ZNRF3: variants seen among roughly 807,000 people sequenced by gnomAD.
The protein encoded by ZNRF3 is zinc and ring finger 3.
ZNRF3 carries 23 observed loss-of-function variants against 72.5 expected under a neutral mutation model. The ratio of observed to expected loss-of-function variants is 0.32; its 90% CI spans 0.23 to 0.45. ZNRF3 has a LOEUF of 0.45. ZNRF3 is among the 20% of genes least tolerant of loss of function. The probability of loss-of-function intolerance (pLI) is 1.00; values close to 1 mark genes in which losing one functional copy is unlikely to be tolerated. For synonymous variants in ZNRF3, 610 were observed against 545.3 expected (o/e 1.12, Z -1.65); for missense variants, 1,169 against 1,272.1 (o/e 0.92, Z 1.23).
intron 1 of ZNRF3, 142 bp from the exon 2 acceptor site, chr22:28,986,934 C>A: frequency 8.9e-7 from 1 of 1,125,152 alleles, no homozygotes; most frequent in African/African-American, 1.6e-5. Context: ...ATAAAATTCC[C>A]CTTGGGTTGA....
intron 2 of ZNRF3, among the ~76,000 whole-genome samples, chr22:29,011,376 C>T (rs920027242): frequency 2.6e-5 from 4 of 152,206 alleles, no homozygotes; most frequent in Non-Finnish European, 5.9e-5. Flanking sequence ...TGGCCAGCTG[C>T]CACCAGCCCT....
Position 29,050,947 on chromosome 22 carries a change from A to C in ZNRF3, c.2766A>C (p.Ala922=). 4 of 1,508,674 alleles carry C rather than the reference A, an allele frequency of 2.7e-6. No homozygotes were observed. Among genetic ancestry groups the C allele is most frequent in the Non-Finnish European group, 3.5e-6 (4 of 1,136,516 alleles). 93.5% of individuals were successfully genotyped at this position (1,508,674 alleles called of 1,614,324 possible). A position where few individuals can be genotyped will look rare whatever the true frequency, so the allele number is the denominator to read the frequency against. ...QESSTTATEA[A]GPRSHSADSS... is the part of the protein sequence containing the mutation. The stretch of plus-strand genomic sequence containing the variant: ...CCAGCACCACTGCCACTGAGGCTGC[A>C]GGTGAGAGCAGGAAATGGCAGTAGG... Residue 922 remains alanine (A), a splice_region_variant and synonymous_variant, in exon 8 of 9, where the codon GCA becomes GCC. Transcript: ENST00000544604.
At chr22:28,999,961 C>T (rs906545905) in intron 2 of ZNRF3, among the ~76,000 whole-genome samples, 1 of 152,208 alleles carries the variant, frequency 6.6e-6, no homozygotes, top group Non-Finnish European at 1.5e-5. Flanking sequence ...TACTTTTCTT[C>T]TGTCCTTTGT....
In ZNRF3 at chr22:29,048,150, C is replaced by T. The variant is rs752127362; in HGVS notation, c.913-239C>T. Among the ~76,000 whole-genome samples the T allele has an allele frequency of 9.2e-5, 14 of 152,176 alleles. No homozygotes were observed. The highest frequency in any genetic ancestry group is 1.9e-4 in the Non-Finnish European group (13 of 68,026). On this transcript the variant is annotated intron_variant, in intron 6 of 8. Coordinates refer to ENST00000544604, the MANE Select transcript of ZNRF3 (RefSeq NM_001206998.2). The surrounding 1 kb of genome is among the most constrained non-coding windows in gnomAD (Gnocchi z 4.9). ...TACGGGAAAGACGCCTGCCTCTGTG[C>T]GTGCCCACTCCCTTAACACTGAGGA...
Position 29,030,120 on chromosome 22 carries a change from G to C in ZNRF3, c.427-12375G>C, listed in dbSNP as rs1295589438. Among the ~76,000 whole-genome samples, 1 of 152,152 alleles carries C rather than the reference G, an allele frequency of 6.6e-6. No homozygotes were observed. Among genetic ancestry groups the C allele is most frequent in the African/African-American group, 2.4e-5 (1 of 41,428 alleles). On this transcript the variant is annotated intron_variant, in intron 2 of 8. Transcript: ENST00000544604. The surrounding 1 kb of genome is among the most constrained non-coding windows in gnomAD (Gnocchi z 4.2). The stretch of plus-strand genomic sequence containing the variant: ...ATAACATCTTTCACCCCACAGTATC[G>C]ATGGAGCAGGAGGGTGTGGACAGGC...
intron 1 of ZNRF3, among the ~76,000 whole-genome samples, chr22:28,961,414 T>A (rs1048754537): frequency 7.2e-5 from 11 of 152,154 alleles, no homozygotes; most frequent in African/African-American, 2.7e-4. Flanking sequence ...GCTTAAAGTG[T>A]CAAAATATGG....
chr22:29,027,293 G>A (rs1024520202), intron 2 of ZNRF3, among the ~76,000 whole-genome samples: 8 of 151,952 alleles, frequency 5.3e-5, no homozygotes, highest in African/African-American at 1.2e-4. Context: ...TTGTCCCCCA[G>A]GCTGGAGTGC....
intron 1 of ZNRF3, among the ~76,000 whole-genome samples, chr22:28,932,537 T>G (rs2034725510): frequency 6.6e-6 from 1 of 152,276 alleles, no homozygotes; most frequent in Admixed American, 6.5e-5. Context: ...ATTGGGTCTT[T>G]GTGCGCATGT....
chr22:29,039,588 AC>A (rs67640517), intron 2 of ZNRF3, among the ~76,000 whole-genome samples: 10,840 of 151,982 alleles, frequency 0.071, 1,116 homozygotes, highest in African/African-American at 0.22. Context: ...GCATCTACTT[AC>A]AATTATATTA....
At chr22:29,027,438 G>A (rs1016149008) in intron 2 of ZNRF3, among the ~76,000 whole-genome samples, 4 of 151,918 alleles carry the variant, frequency 2.6e-5, no homozygotes, top group African/African-American at 7.3e-5. Flanking sequence ...TAGTAGAGAC[G>A]GGGTTTCACC....
chr22:29,042,012 G>T lies in ZNRF3; in HGVS notation c.427-483G>T, dbSNP rs117551707. Among the ~76,000 whole-genome samples the T allele has an allele frequency of 3.9e-5, 6 of 152,180 alleles. No homozygotes were observed. The East Asian group carries it at 1.2e-3, about 29-fold the overall frequency. On this transcript the variant is annotated intron_variant, in intron 2 of 8. Coordinates refer to ENST00000544604, the MANE Select transcript of ZNRF3 (RefSeq NM_001206998.2). ...TAGGTTGTTTTCAGTATTTGGGCTGGATAGGAAGACAAAAGTTTGTTAAGT... is the reference window on the plus strand; with the variant it reads ...TAGGTTGTTTTCAGTATTTGGGCTGTATAGGAAGACAAAAGTTTGTTAAGT...
chr22:29,049,585 G>A lies in ZNRF3; in HGVS notation c.1404G>A (p.Met468Ile). The A allele has an allele frequency of 1.2e-6, 2 of 1,607,858 alleles. No individual in the cohort carries two copies. Among genetic ancestry groups the A allele is most frequent in the Admixed American group, 1.7e-5 (1 of 59,834 alleles). ...CTTGCTTCTCCCAGTATGAGACCATGTACCAGCACTACTACTTCCAGGGCC... is the reference window on the plus strand; with the variant it reads ...CTTGCTTCTCCCAGTATGAGACCATATACCAGCACTACTACTTCCAGGGCC... ...KAACFSQYET[M>I]YQHYYFQGLS... is the part of the protein sequence containing the mutation. The change falls in exon 8 of 9, where the codon ATG becomes ATA. Residue 468 changes from methionine to isoleucine, a missense_variant. This residue lies in a region of ZNRF3 where 783 missense variants were observed against 731.4 expected (regional missense o/e 1.07). Transcript: ENST00000544604. The surrounding 1 kb of genome is among the most constrained non-coding windows in gnomAD (Gnocchi z 5.2).
chr22:28,891,739 A>G (rs1162838477), intron 1 of ZNRF3, among the ~76,000 whole-genome samples: 2 of 152,244 alleles, frequency 1.3e-5, no homozygotes, highest in South Asian at 4.1e-4. Context: ...TTTAAACCCA[A>G]AACGATTGAC....
chr22:29,049,163 C>A lies in ZNRF3; in HGVS notation c.1016-34C>A. On this transcript the variant is annotated intron_variant, in intron 7 of 8. Transcript: ENST00000544604. The surrounding 1 kb of genome is among the most constrained non-coding windows in gnomAD (Gnocchi z 5.2). ...TAGCCTCTGACACCAGTATGCTCAG[C>A]CCTGCCTACTCTGTTTCCTCCACTT... The A allele has an allele frequency of 1.3e-6, 2 of 1,559,334 alleles. No individual in the cohort carries two copies. Among genetic ancestry groups the A allele is most frequent in the Non-Finnish European group, 1.7e-6 (2 of 1,150,458 alleles).
At chr22:28,885,046 A>G (rs1175399002) in intron 1 of ZNRF3, among the ~76,000 whole-genome samples, 4 of 152,102 alleles carry the variant, frequency 2.6e-5, no homozygotes, top group African/African-American at 9.7e-5. Context: ...CTTGTCTTTG[A>G]ATCTTTGGGG....
chr22:28,993,757 A>G (rs978448966), intron 2 of ZNRF3, among the ~76,000 whole-genome samples: 5 of 152,190 alleles, frequency 3.3e-5, no homozygotes, highest in African/African-American at 1.2e-4. Context: ...ATCATGGCTC[A>G]CTTCAGCCTC....
intron 2 of ZNRF3, among the ~76,000 whole-genome samples, chr22:29,024,578 C>T (rs1224152453): frequency 6.6e-6 from 1 of 152,080 alleles, no homozygotes; most frequent in Non-Finnish European, 1.5e-5. Context: ...ACTTACCTCT[C>T]ACTGTGCATG....
At chr22:28,973,078 G>A (rs980297241) in intron 1 of ZNRF3, among the ~76,000 whole-genome samples, 1 of 152,148 alleles carries the variant, frequency 6.6e-6, no homozygotes, top group Admixed American at 6.5e-5. Flanking sequence ...AAACTTGTGG[G>A]CTCAATCTTC....
chr22:28,922,407 T>C (rs1267653503), intron 1 of ZNRF3, among the ~76,000 whole-genome samples: 1 of 152,248 alleles, frequency 6.6e-6, no homozygotes, highest in Non-Finnish European at 1.5e-5. Flanking sequence ...TTTAGCACCC[T>C]AGATGCCTGT....
Sources: allele counts gnomAD v4.1 joint callset (sites outside exome capture counted in the v4.1 genomes callset), GRCh38; gene constraint gnomAD v4.1.1; regional missense constraint gnomAD v4.1.1; non-coding constraint Gnocchi (gnomAD v3.1); transcripts MANE v1.5; gene names NCBI Gene and HGNC (gene_info 2026-07-23, HGNC 2026-07-21).